RPS6KA2: variants seen among roughly 807,000 people sequenced by gnomAD.
RPS6KA2 encodes ribosomal protein S6 kinase A2, also known as ribosomal protein S6 kinase alpha-2.
In RPS6KA2, 42 loss-of-function variants were observed where a neutral mutation model predicts 91.8. The observed-to-expected ratio is 0.46, with a 90% CI of 0.36 to 0.59. RPS6KA2 has a LOEUF of 0.59. Among genes scored for constraint, RPS6KA2 ranks in the 20% least tolerant of loss-of-function variants. RPS6KA2 has a pLI of 0.00. For missense variants in RPS6KA2, 798 were observed against 978.5 expected, an observed-to-expected ratio of 0.82 and a Z score of 2.46; for synonymous variants, 414 against 393.6, an observed-to-expected ratio of 1.05 and a Z score of -0.61.
chr6:166,823,074 C>T (rs1054537028), intron 2 of RPS6KA2, among the ~76,000 whole-genome samples: 5 of 152,172 alleles, frequency 3.3e-5, no homozygotes, highest in African/African-American at 9.7e-5. Context: ...GGGCAGACGA[C>T]CCCACCTGAA....
chr6:166,529,450 T>C (rs1163844376), intron 3 of RPS6KA2, among the ~76,000 whole-genome samples: 1 of 152,078 alleles, frequency 6.6e-6, no homozygotes, highest in Non-Finnish European at 1.5e-5. Context: ...AGGGATAGCA[T>C]TAGGAGATGT....
intron 2 of RPS6KA2, among the ~76,000 whole-genome samples, chr6:166,668,652 G>C (rs67280702): frequency 0.28 from 43,174 of 152,024 alleles, 6,230 homozygotes; most frequent in South Asian, 0.33. Context: ...AACGGAGGCA[G>C]TGCTCAGCTG....
At chr6:166,524,682 C>G (rs1562555586) in intron 3 of RPS6KA2, among the ~76,000 whole-genome samples, 1 of 152,240 alleles carries the variant, frequency 6.6e-6, no homozygotes, top group Non-Finnish European at 1.5e-5. Flanking sequence ...CTTACACTTT[C>G]CAAGCCTTTG....
chr6:166,487,677 T>G (rs778695203), intron 10 of RPS6KA2, among the ~76,000 whole-genome samples: 24 of 152,244 alleles, frequency 1.6e-4, no homozygotes, highest in Non-Finnish European at 2.5e-4. Flanking sequence ...AGAAGTTGGA[T>G]GTAAATGTGT....
At chr6:166,806,589 G>C (rs1367412575) in intron 2 of RPS6KA2, among the ~76,000 whole-genome samples, 1 of 152,134 alleles carries the variant, frequency 6.6e-6, no homozygotes, top group Non-Finnish European at 1.5e-5. Context: ...CAAATGCAGG[G>C]GGAGTTTGTT....
At chr6:166,651,850 C>T (rs1326268994) in intron 2 of RPS6KA2, among the ~76,000 whole-genome samples, 9 of 152,378 alleles carry the variant, frequency 5.9e-5, no homozygotes, top group Middle Eastern at 3.4e-3. Flanking sequence ...GAGGAATCCA[C>T]GTGTAAGCTA....
chr6:166,432,644 G>A (rs1287840358), intron 14 of RPS6KA2, among the ~76,000 whole-genome samples, 154 bp from the exon 15 acceptor site: 2 of 152,148 alleles, frequency 1.3e-5, no homozygotes, highest in African/African-American at 2.4e-5. Flanking sequence ...AGATTGTCTG[G>A]AGATTCATGG....
In RPS6KA2 at chr6:166,767,165, A is replaced by G. The variant is rs1236415971; in HGVS notation, c.123+91035T>C. 6.6e-6 allele frequency among the ~76,000 whole-genome samples: 1 copy of G among 152,210 alleles called. No individual in the cohort carries two copies. The highest frequency in any genetic ancestry group is 2.4e-5 in the African/African-American group (1 of 41,454). On this transcript the variant is annotated intron_variant, in intron 2 of 21. Coordinates refer to the RPS6KA2 transcript ENST00000503859. This position sits in a 1 kb window ranked among gnomAD's most constrained non-coding sequence, Gnocchi z 4.6. The stretch of plus-strand genomic sequence containing the variant: ...TTTTGTCTCTGAAAACAGACTGAAG[A>G]ACCAGACTTTTGTATTTTATCCCCT...
At chr6:166,734,253 C>T (rs6456115) in intron 2 of RPS6KA2, among the ~76,000 whole-genome samples, 38,289 of 152,044 alleles carry the variant, frequency 0.25, 6,311 homozygotes, top group African/African-American at 0.47. Context: ...TAGCAGAACC[C>T]GAGCACTCTT....
intron 2 of RPS6KA2, among the ~76,000 whole-genome samples, chr6:166,763,735 C>T (rs541710657): frequency 1.4e-4 from 21 of 152,312 alleles, no homozygotes; most frequent in African/African-American, 4.1e-4. Context: ...AGGCACCACA[C>T]GGATGAACGG....
At chr6:166,441,976 C>T (rs375768064) in intron 14 of RPS6KA2, among the ~76,000 whole-genome samples, 9 of 152,196 alleles carry the variant, frequency 5.9e-5, no homozygotes, top group Non-Finnish European at 1.2e-4. Flanking sequence ...GTCCGGCTGC[C>T]GCTCAGCACT....
chr6:166,639,231 C>T lies in RPS6KA2; in HGVS notation c.124-100447G>A, dbSNP rs760391666. 6.6e-6 allele frequency among the ~76,000 whole-genome samples: 1 copy of T among 152,206 alleles called. No individual in the cohort carries two copies. Among genetic ancestry groups the T allele is most frequent in the Non-Finnish European group, 1.5e-5 (1 of 68,034 alleles). ...CTGTATTGTCTTATGCAAGGCATAA[C>T]CATGTGCCCCGCTGCCCAAACCAGA... On this transcript the variant is annotated intron_variant, in intron 2 of 21. Coordinates refer to the RPS6KA2 transcript ENST00000503859. This position sits in a 1 kb window ranked among gnomAD's most constrained non-coding sequence, Gnocchi z 4.2.
At position 166,437,885 on chromosome 6, in the gene RPS6KA2, G is replaced by A. The variant is rs150310574; in HGVS notation, c.1333-5395C>T. On this transcript the variant is annotated intron_variant, in intron 14 of 20. Transcript: ENST00000265678. This position sits in a 1 kb window ranked among gnomAD's most constrained non-coding sequence, Gnocchi z 4.3. Reference sequence around the variant, plus strand: ...CTCGATACACCTTTCTGGTCTTTGCGTTTCTCTACCTTCCCTGTCTTTCTT... The same window carrying A: ...CTCGATACACCTTTCTGGTCTTTGCATTTCTCTACCTTCCCTGTCTTTCTT... Among the ~76,000 whole-genome samples the A allele has an allele frequency of 1.7e-3, 256 of 152,286 alleles. No homozygotes were observed. The highest frequency in any genetic ancestry group is 3.7e-3 in the East Asian group (19 of 5,178).
At chr6:166,859,940 A>G (rs998921693) in intron 1 of RPS6KA2, among the ~76,000 whole-genome samples, 2 of 152,196 alleles carry the variant, frequency 1.3e-5, no homozygotes, top group African/African-American at 4.8e-5. Flanking sequence ...CCGATGAGAA[A>G]AGCATGCAGG....
At chr6:166,624,207 TTA>T (rs1786747489) in intron 1 of RPS6KA2, among the ~76,000 whole-genome samples, 3 of 152,244 alleles carry the variant, frequency 2.0e-5, no homozygotes. Flanking sequence ...AATTTCCTGT[TTA>T]TGTCACTAGA....
In RPS6KA2 at chr6:166,695,807, T is replaced by C. The variant is rs4991784; in HGVS notation, c.124-157023A>G. Among the ~76,000 whole-genome samples, 489 of 132,842 alleles carry C rather than the reference T, an allele frequency of 3.7e-3. 7 individuals are homozygous for C. The highest frequency in any genetic ancestry group is 0.011 in the African/African-American group (262 of 24,938). The allele number at this position is 132,842 out of a possible 152,430, so 87.1% of individuals were successfully genotyped here. On this transcript the variant is annotated intron_variant, in intron 2 of 21. Coordinates refer to the RPS6KA2 transcript ENST00000503859. The stretch of plus-strand genomic sequence containing the variant: ...TTCTCACAGGAGCACTGGATTCTCA[T>C]AGGAGCACTGGATTCTCACAGGAGC...
chr6:166,586,519 G>A, intron 1 of RPS6KA2: 1 of 1,557,774 alleles, frequency 6.4e-7, no homozygotes, highest in East Asian at 2.2e-5. Flanking sequence ...ATTGCTTAAT[G>A]TTTAGGTTGT....
intron 2 of RPS6KA2, among the ~76,000 whole-genome samples, chr6:166,752,739 C>G (rs1287646557): frequency 6.6e-6 from 1 of 152,172 alleles, no homozygotes; most frequent in Non-Finnish European, 1.5e-5. Context: ...CCTGCGGTCC[C>G]CACACCATTT....
intron 1 of RPS6KA2, among the ~76,000 whole-genome samples, chr6:166,581,981 T>G (rs1165936024): frequency 1.3e-5 from 1 of 75,856 alleles, no homozygotes; most frequent in African/African-American, 5.3e-5. Flanking sequence ...ACTGGGCAGG[T>G]GGGCTGGGCA....
Sources: allele counts gnomAD v4.1 joint callset (sites outside exome capture counted in the v4.1 genomes callset), GRCh38; gene constraint gnomAD v4.1.1; non-coding constraint Gnocchi (gnomAD v3.1); transcripts MANE v1.5; gene names NCBI Gene and HGNC (gene_info 2026-07-23, HGNC 2026-07-21).